ADAMTS17: variants seen among roughly 807,000 people sequenced by gnomAD.
ADAMTS17 encodes ADAM metallopeptidase with thrombospondin type 1 motif 17.
A neutral mutation model predicts 141.5 loss-of-function variants in ADAMTS17; 113 were observed. The observed-to-expected ratio is 0.80, with a 90% confidence interval of 0.69 to 0.93. The LOEUF (loss-of-function observed/expected upper bound fraction) is 0.93. Ranked by LOEUF, ADAMTS17 falls within the 40% of genes least tolerant of loss-of-function variation. The pLI, the probability that ADAMTS17 is intolerant of heterozygous loss-of-function variation, is 0.00. For synonymous variants in ADAMTS17, 768 were observed against 630.6 expected, an observed-to-expected ratio of 1.22 and a Z score of -3.27; for missense variants, 1,659 against 1,517.9, an observed-to-expected ratio of 1.09 and a Z score of -1.54.
At chr15:100,043,876 G>A (rs564657619) in intron 18 of ADAMTS17, among the ~76,000 whole-genome samples, 3 of 152,380 alleles carry the variant, frequency 2.0e-5, no homozygotes, top group African/African-American at 7.2e-5. Context: ...CATCAAGCCA[G>A]AATGACTCTG....
intron 3 of ADAMTS17, among the ~76,000 whole-genome samples, chr15:100,283,215 G>A (rs1361324227): frequency 6.6e-6 from 1 of 152,200 alleles, no homozygotes; most frequent in East Asian, 1.9e-4. Flanking sequence ...CTCCCTCAGA[G>A]CCAGGCCCAT....
intron 3 of ADAMTS17, among the ~76,000 whole-genome samples, chr15:100,318,406 A>G (rs2045631455): frequency 6.6e-6 from 1 of 151,962 alleles, no homozygotes; most frequent in African/African-American, 2.4e-5. Context: ...TTAGGTCATG[A>G]GGGTGGGGCC....
rs78092032 is a variant in ADAMTS17, at chr15:100,052,841, T to C, written c.2295+1056A>G. Among the ~76,000 whole-genome samples, 275 of 152,244 alleles carry C rather than the reference T, an allele frequency of 1.8e-3. 1 individual carries two copies. The highest frequency in any genetic ancestry group is 6.4e-3 in the African/African-American group (266 of 41,564). The stretch of plus-strand genomic sequence containing the variant: ...GGTGCGCTGGCAGATTTCTACATGG[T>C]TTGGTTGCACATGAAAACTGCCTTA... On this transcript the variant is annotated intron_variant, in intron 16 of 21. Coordinates refer to ENST00000268070, the MANE Select transcript of ADAMTS17 (RefSeq NM_139057.4).
chr15:100,214,992 C>A (rs1296616054), intron 7 of ADAMTS17, among the ~76,000 whole-genome samples: 2 of 152,232 alleles, frequency 1.3e-5, no homozygotes, highest in African/African-American at 2.4e-5. Context: ...AGATCTTTTA[C>A]ACCTCCATTT....
At chr15:100,024,030 G>A (rs34726219) in intron 18 of ADAMTS17, among the ~76,000 whole-genome samples, 1 of 152,180 alleles carries the variant, frequency 6.6e-6, no homozygotes, top group Non-Finnish European at 1.5e-5. Context: ...TTTGTATACT[G>A]TGCATCGCTA....
Position 99,993,309 on chromosome 15 carries a change from A to G in ADAMTS17, c.2797-109T>C, listed in dbSNP as rs2060728739. The G allele has an allele frequency of 4.1e-6, 6 of 1,468,252 alleles. No individual in the cohort carries two copies. In the Middle Eastern group the frequency reaches 6.9e-4, roughly 169 times the overall value. The allele number at this position is 1,468,252 out of a possible 1,614,324, so 91.0% of individuals were successfully genotyped here. A position where few individuals can be genotyped will look rare whatever the true frequency, so the allele number is the denominator to read the frequency against. On this transcript the variant is annotated intron_variant, in intron 19 of 21. Coordinates refer to ENST00000268070, the MANE Select transcript of ADAMTS17 (RefSeq NM_139057.4). This position sits in a 1 kb window ranked among gnomAD's most constrained non-coding sequence, Gnocchi z 4.3. ...GGTGCGGTGTGGGGATGATACAAAG[A>G]TGAAAACCCACACTTCTGTCCTCAA...
intron 18 of ADAMTS17, among the ~76,000 whole-genome samples, chr15:100,037,212 A>T (rs2030811838): frequency 6.6e-6 from 1 of 152,184 alleles, no homozygotes; most frequent in Non-Finnish European, 1.5e-5. Flanking sequence ...ATCCTCATCA[A>T]CATTTGTTAT....
At chr15:100,320,717 C>T (rs1371410718) in intron 3 of ADAMTS17, among the ~76,000 whole-genome samples, 1 of 152,110 alleles carries the variant, frequency 6.6e-6, no homozygotes, top group South Asian at 2.1e-4. Flanking sequence ...CCTGTAGTCC[C>T]AGCTACTCGA....
At chr15:100,250,200 T>C (rs994791304) in intron 7 of ADAMTS17, among the ~76,000 whole-genome samples, 1 of 152,226 alleles carries the variant, frequency 6.6e-6, no homozygotes, top group Non-Finnish European at 1.5e-5. Context: ...AGTTTTGCCC[T>C]CTTTACATAT....
intron 4 of ADAMTS17, among the ~76,000 whole-genome samples, chr15:100,280,681 G>C (rs552910032): frequency 3.4e-4 from 51 of 152,166 alleles, no homozygotes; most frequent in Non-Finnish European, 1.5e-4. Flanking sequence ...GGTGGGTAAA[G>C]CTAGGATGCC....
At chr15:100,067,852 A>G (rs2033655287) in intron 15 of ADAMTS17, among the ~76,000 whole-genome samples, 1 of 152,148 alleles carries the variant, frequency 6.6e-6, no homozygotes, top group African/African-American at 2.4e-5. Context: ...TGATTTCTGC[A>G]TTTCCAACTG....
chr15:100,195,962 A>G (rs1367629903), intron 8 of ADAMTS17, among the ~76,000 whole-genome samples: 1 of 152,236 alleles, frequency 6.6e-6, no homozygotes, highest in Non-Finnish European at 1.5e-5. Context: ...CTGTAAAGTA[A>G]AACCTATATA....
At chr15:100,129,599 C>G (rs150294356) in intron 12 of ADAMTS17, 1 of 152,064 alleles carries the variant, frequency 6.6e-6, no homozygotes, top group Non-Finnish European at 1.5e-5. Context: ...CAAAATTAGC[C>G]GAGTGTGGTG....
intron 6 of ADAMTS17, among the ~76,000 whole-genome samples, chr15:100,257,881 G>A (rs60770764): frequency 0.037 from 5,635 of 151,960 alleles, 360 homozygotes; most frequent in African/African-American, 0.13. Flanking sequence ...ACCCCACACC[G>A]AAACTCTGTA....
intron 2 of ADAMTS17, chr15:100,338,984 G>T: frequency 1.0e-6 from 1 of 985,482 alleles, no homozygotes; most frequent in East Asian, 1.1e-4. Flanking sequence ...CTTCCCTCCG[G>T]CCTTCAGTAC....
rs760792591 is a variant in ADAMTS17 at position 100,096,479 on chromosome 15, A to G, written c.2017-3T>C. On this transcript the variant is annotated splice_region_variant and splice_polypyrimidine_tract_variant and intron_variant, in intron 14 of 21. Coordinates refer to ENST00000268070, the MANE Select transcript of ADAMTS17 (RefSeq NM_139057.4). ...ATGATGCCGTCACAGCCGATTTTCTAAAGAACCAGAGGGCCTCATTATTCT... is the reference window on the plus strand; with the variant it reads ...ATGATGCCGTCACAGCCGATTTTCTGAAGAACCAGAGGGCCTCATTATTCT... 1.8e-5 allele frequency: 29 copies of G among 1,614,056 alleles called. No individual in the cohort carries two copies. In the East Asian group the frequency reaches 4.0e-4, roughly 22 times the overall value.
chr15:100,301,780 A>G lies in ADAMTS17; in HGVS notation c.617-20379T>C, dbSNP rs77183531. Among the ~76,000 whole-genome samples, 1,323 of 152,280 alleles carry G rather than the reference A, an allele frequency of 8.7e-3. 19 individuals carry two copies. Among genetic ancestry groups the G allele is most frequent in the African/African-American group, 0.027 (1,129 of 41,538 alleles). ...AGAACAATTTGATTTTCCCTTTTGA[A>G]TAAGAATTTAGCATCTTTTTTTCTC... is the stretch of plus-strand genomic sequence containing the variant. On this transcript the variant is annotated intron_variant, in intron 3 of 21. Coordinates refer to ENST00000268070, the MANE Select transcript of ADAMTS17 (RefSeq NM_139057.4).
intron 18 of ADAMTS17, among the ~76,000 whole-genome samples, chr15:100,042,794 A>G (rs536110141): frequency 6.6e-6 from 1 of 152,280 alleles, no homozygotes; most frequent in Non-Finnish European, 1.5e-5. Flanking sequence ...TCATGACACT[A>G]CTCAGAACAG....
At chr15:99,980,760 C>T (rs571897100) in intron 20 of ADAMTS17, 1 of 152,358 alleles carries the variant, frequency 6.6e-6, no homozygotes, top group Admixed American at 6.5e-5. Context: ...TCTATTAAAA[C>T]CAAGTGCAGC....
Sources: allele counts gnomAD v4.1 joint callset (sites outside exome capture counted in the v4.1 genomes callset), GRCh38; gene constraint gnomAD v4.1.1; non-coding constraint Gnocchi (gnomAD v3.1); transcripts MANE v1.5; gene names NCBI Gene and HGNC (gene_info 2026-07-23, HGNC 2026-07-21).